Variants in LRP1B observed in about 807,000 individuals in gnomAD.
The protein encoded by LRP1B is low-density lipoprotein receptor-related protein 1B.
In LRP1B, 217 loss-of-function variants were observed where a neutral mutation model predicts 556.6. The ratio of observed to expected loss-of-function variants is 0.39; its 90% CI spans 0.35 to 0.44. LRP1B has a LOEUF of 0.44. Ranked by LOEUF, LRP1B falls within the 20% of genes least tolerant of loss-of-function variation. The pLI is 1.00. For synonymous variants in LRP1B, 2,047 were observed against 1,865.8 expected (o/e 1.10, Z -2.50); for missense variants, 5,053 against 5,620.8 (o/e 0.90, Z 3.23).
chr2:141,319,418 T>G (rs1313766700), intron 3 of LRP1B, among the ~76,000 whole-genome samples: 6 of 151,134 alleles, frequency 4.0e-5, no homozygotes, highest in Non-Finnish European at 8.8e-5. Flanking sequence ...CTGAATAAGC[T>G]GATATTTTGA....
chr2:141,166,069 C>T (rs1220047437), intron 7 of LRP1B, among the ~76,000 whole-genome samples: 1 of 151,988 alleles, frequency 6.6e-6, no homozygotes. Context: ...ATTTCCATTC[C>T]TACTTTTGCT....
intron 23 of LRP1B, among the ~76,000 whole-genome samples, chr2:140,897,170 C>T (rs1482445771): frequency 6.6e-6 from 1 of 152,006 alleles, no homozygotes; most frequent in Non-Finnish European, 1.5e-5. Flanking sequence ...TGAACAAAAC[C>T]AGATGGAAAA....
At chr2:141,092,740 A>G (rs1016631153) in intron 7 of LRP1B, among the ~76,000 whole-genome samples, 5 of 152,196 alleles carry the variant, frequency 3.3e-5, no homozygotes, top group African/African-American at 1.2e-4. Flanking sequence ...CAAGTGAAGG[A>G]AGTGTTTCAA....
chr2:141,149,105 A>G (rs968615409), intron 7 of LRP1B, among the ~76,000 whole-genome samples: 14 of 151,792 alleles, frequency 9.2e-5, no homozygotes, highest in Non-Finnish European at 2.9e-5. Flanking sequence ...GGAATTCCTG[A>G]GGGGTGGAAA....
At chr2:141,070,968 C>G (rs1169063316) in intron 7 of LRP1B, among the ~76,000 whole-genome samples, 1 of 152,090 alleles carries the variant, frequency 6.6e-6, no homozygotes, top group African/African-American at 2.4e-5. Context: ...CTATTCCAAT[C>G]CATAGAAAAA....
chr2:141,688,924 C>A (rs148811345), intron 2 of LRP1B, among the ~76,000 whole-genome samples: 5 of 151,948 alleles, frequency 3.3e-5, no homozygotes, highest in Non-Finnish European at 7.4e-5. Flanking sequence ...AGTTCATATG[C>A]AGTTCAAGAT....
chr2:142,033,831 T>C (rs1201702571), intron 1 of LRP1B, among the ~76,000 whole-genome samples: 1 of 151,652 alleles, frequency 6.6e-6, no homozygotes, highest in Non-Finnish European at 1.5e-5. Flanking sequence ...TAATAATAAT[T>C]CTCTTTATTG....
At chr2:142,019,034 T>A (rs1335088673) in intron 1 of LRP1B, among the ~76,000 whole-genome samples, 1 of 152,214 alleles carries the variant, frequency 6.6e-6, no homozygotes, top group Non-Finnish European at 1.5e-5. Flanking sequence ...AAAAGCTTTA[T>A]TAAAAAGGCT....
chr2:141,881,628 A>G (rs567855042), intron 1 of LRP1B, among the ~76,000 whole-genome samples: 95 of 152,196 alleles, frequency 6.2e-4, no homozygotes, highest in Middle Eastern at 6.8e-3. Context: ...ACTGTCCTTG[A>G]TAAGATGTAA....
chr2:140,719,089 T>G (rs1353683249), intron 35 of LRP1B, among the ~76,000 whole-genome samples: 1 of 152,128 alleles, frequency 6.6e-6, no homozygotes, highest in Non-Finnish European at 1.5e-5. Flanking sequence ...AGAATGTAAT[T>G]TCTTTGAGGG....
intron 1 of LRP1B, among the ~76,000 whole-genome samples, chr2:142,077,810 G>T (rs984990994): frequency 1.3e-5 from 2 of 152,080 alleles, no homozygotes; most frequent in Non-Finnish European, 2.9e-5. Context: ...CCTCAGAAAT[G>T]CTTTGTTGCT....
At chr2:141,515,084 C>T (rs1022941692) in intron 2 of LRP1B, among the ~76,000 whole-genome samples, 7 of 152,236 alleles carry the variant, frequency 4.6e-5, no homozygotes, top group Admixed American at 2.0e-4. Context: ...AGGCAGATCA[C>T]CTGAGGTCAG....
chr2:141,930,925 A>T (rs1700482748), intron 1 of LRP1B, among the ~76,000 whole-genome samples: 1 of 152,012 alleles, frequency 6.6e-6, no homozygotes, highest in South Asian at 2.1e-4. Flanking sequence ...ACTGCCTATT[A>T]TTAAAGGGGA....
chr2:141,324,046 ACAC>A, intron 3 of LRP1B, among the ~76,000 whole-genome samples: 1 of 149,582 alleles, frequency 6.7e-6, no homozygotes, highest in African/African-American at 2.4e-5. Context: ...ACACACACAC[ACAC>A]ACACACACAC....
intron 2 of LRP1B, among the ~76,000 whole-genome samples, chr2:141,657,870 C>T (rs1292530982): frequency 6.6e-6 from 1 of 152,144 alleles, no homozygotes; most frequent in African/African-American, 2.4e-5. Context: ...AATCAGCATT[C>T]CACATACGCT....
At chr2:141,620,003 G>A (rs1688446213) in intron 2 of LRP1B, among the ~76,000 whole-genome samples, 1 of 152,040 alleles carries the variant, frequency 6.6e-6, no homozygotes, top group Non-Finnish European at 1.5e-5. Flanking sequence ...ACCCAGGCTG[G>A]AGAGCGTGGT....
chr2:140,638,519 G>T (rs901384242), intron 41 of LRP1B, among the ~76,000 whole-genome samples: 1 of 152,114 alleles, frequency 6.6e-6, no homozygotes, highest in African/African-American at 2.4e-5. Flanking sequence ...TGGAAAATAT[G>T]ATATTCCTAG....
At chr2:140,332,495 A>G (rs1464789269) in intron 79 of LRP1B, among the ~76,000 whole-genome samples, 1 of 152,050 alleles carries the variant, frequency 6.6e-6, no homozygotes, top group Non-Finnish European at 1.5e-5. Context: ...AAACAGGAGT[A>G]TCCAATTCCT....
intron 43 of LRP1B, among the ~76,000 whole-genome samples, chr2:140,590,666 A>C (rs1249492026): frequency 6.6e-6 from 1 of 152,018 alleles, no homozygotes; most frequent in Non-Finnish European, 1.5e-5. Flanking sequence ...AAGCCAGGAA[A>C]AGAGGCCCTC....
Sources: allele counts gnomAD v4.1 joint callset (sites outside exome capture counted in the v4.1 genomes callset), GRCh38; gene constraint gnomAD v4.1.1; transcripts MANE v1.5; gene names NCBI Gene and HGNC (gene_info 2026-07-23, HGNC 2026-07-21).